The following BICRAL variants were observed in gnomAD, a reference collection of about 807,000 sequenced individuals.
BICRAL encodes the protein BRD4-interacting chromatin-remodeling complex-associated protein-like.
A neutral mutation model predicts 91.8 loss-of-function variants in BICRAL; 8 were observed. The observed-to-expected ratio is 0.09, with a 90% CI of 0.05 to 0.16. The LOEUF (loss-of-function observed/expected upper bound fraction) is 0.16. BICRAL is among the 10% of genes least tolerant of loss of function. BICRAL has a pLI of 1.00. For synonymous variants in BICRAL, 445 were observed against 491.1 expected (o/e 0.91, Z 1.24); for missense variants, 1,038 against 1,310.9 (o/e 0.79, Z 3.21).
upstream of BICRAL, chr6:42,781,795 ATT>A (rs1156671133): frequency 1.4e-5 from 2 of 147,322 alleles, no homozygotes; most frequent in African/African-American, 5.0e-5. Flanking sequence ...AAAAAAAAAA[ATT>A]TTTTAAATTA....
At chr6:42,792,891 C>T (rs1316295736) in intron 1 of BICRAL, among the ~76,000 whole-genome samples, 6 of 150,872 alleles carry the variant, frequency 4.0e-5, no homozygotes, top group South Asian at 4.2e-4. Flanking sequence ...CCAGACTGGG[C>T]GACGAGAGTG....
intron 6 of BICRAL, among the ~76,000 whole-genome samples, chr6:42,843,800 CT>C (rs55723359): frequency 0.84 from 85,426 of 102,082 alleles, 35,058 homozygotes; most frequent in Middle Eastern, 0.9. Flanking sequence ...TAAATTTCTT[CT>C]TTTTTTTTTT....
At chr6:42,784,473 A>G (rs1763044252) in intron 1 of BICRAL, among the ~76,000 whole-genome samples, 1 of 152,208 alleles carries the variant, frequency 6.6e-6, no homozygotes, top group Non-Finnish European at 1.5e-5. Flanking sequence ...AAATATACAT[A>G]GTGGATGTTT....
chr6:42,746,469 A>G (rs547406318), upstream of BICRAL, among the ~76,000 whole-genome samples: 49 of 141,792 alleles, frequency 3.5e-4, 2 homozygotes, highest in East Asian at 0.011. Flanking sequence ...ACCCCCTTAC[A>G]GGCCGGAGAT....
At chr6:42,844,508 C>CAAAAAAAAAAA (rs34115804) in intron 6 of BICRAL, among the ~76,000 whole-genome samples, 3 of 31,460 alleles carry the variant, frequency 9.5e-5, no homozygotes, top group Non-Finnish European at 1.5e-4. Context: ...GACTCCATCT[C>CAAAAAAAAAAA]AAAAAAAAAA....
chr6:42,789,801 C>T (rs1751316752), intron 1 of BICRAL, among the ~76,000 whole-genome samples: 1 of 152,128 alleles, frequency 6.6e-6, no homozygotes, highest in South Asian at 2.1e-4. Context: ...GTGCATAAGT[C>T]ACCTATAGAC....
At chr6:42,761,905 A>G (rs1417215595) in intron 1 of BICRAL, among the ~76,000 whole-genome samples, 1 of 147,740 alleles carries the variant, frequency 6.8e-6, no homozygotes, top group Non-Finnish European at 1.5e-5. Context: ...CCTTGTCTCA[A>G]AAAAAAAAAA....
At chr6:42,848,833 A>G (rs1037932764) in intron 6 of BICRAL, among the ~76,000 whole-genome samples, 4 of 152,150 alleles carry the variant, frequency 2.6e-5, no homozygotes, top group African/African-American at 7.2e-5. Context: ...CAAACAAACA[A>G]TGACAAAACA....
chr6:42,778,830 G>T (rs777147274), upstream of BICRAL, among the ~76,000 whole-genome samples: 1 of 151,942 alleles, frequency 6.6e-6, no homozygotes, highest in African/African-American at 2.4e-5. Flanking sequence ...TTTGCGGGGT[G>T]GGGGAGGGAC....
At chr6:42,836,850 G>A (rs1207669276) in intron 6 of BICRAL, among the ~76,000 whole-genome samples, 2 of 151,962 alleles carry the variant, frequency 1.3e-5, no homozygotes, top group Non-Finnish European at 2.9e-5. Flanking sequence ...TCAAACTCCT[G>A]ACCTAGTGCT....
chr6:42,787,939 G>A (rs1763147683), intron 1 of BICRAL, among the ~76,000 whole-genome samples: 1 of 151,002 alleles, frequency 6.6e-6, no homozygotes, highest in Admixed American at 6.6e-5. Context: ...AGTCATCCAG[G>A]TTGGAGTGCA....
Position 42,822,785 on chromosome 6 carries a change from C to G in BICRAL, c.42-11C>G. On this transcript the variant is annotated splice_polypyrimidine_tract_variant and intron_variant, in intron 3 of 12. Transcript: ENST00000314073. ...TTGTTGTTTTATCTCTTTTTTTCCT[C>G]TCTTTTCTAGAGACCCACAAGCATT... The G allele has an allele frequency of 6.7e-7, 1 of 1,491,314 alleles. No individual in the cohort carries two copies. Among genetic ancestry groups the G allele is most frequent in the Middle Eastern group, 2.3e-4 (1 of 4,304 alleles). The allele number at this position is 1,491,314 out of a possible 1,614,324, so 92.4% of individuals were successfully genotyped here.
chr6:42,747,074 G>A (rs1762288908), intron 1 of BICRAL: 1 of 152,354 alleles, frequency 6.6e-6, no homozygotes, highest in African/African-American at 2.4e-5. Flanking sequence ...TCGGTCTTAG[G>A]AAAGCGGTGG....
intron 1 of BICRAL, among the ~76,000 whole-genome samples, chr6:42,800,970 C>T (rs186427159): frequency 2.6e-5 from 4 of 152,084 alleles, no homozygotes; most frequent in South Asian, 2.1e-4. Context: ...AAGAAATATA[C>T]GGCCAGGCAC....
intron 1 of BICRAL, among the ~76,000 whole-genome samples, chr6:42,761,068 A>G (rs180978565): frequency 5.3e-5 from 8 of 152,290 alleles, no homozygotes; most frequent in African/African-American, 1.9e-4. Flanking sequence ...AGGTACTTAA[A>G]TCTCTTAAAA....
intron 1 of BICRAL, among the ~76,000 whole-genome samples, chr6:42,773,075 G>C (rs1051698640): frequency 6.6e-6 from 1 of 151,768 alleles, no homozygotes; most frequent in Non-Finnish European, 1.5e-5. Context: ...GATGGGGAGT[G>C]GAGCAATTTT....
intron 1 of BICRAL, among the ~76,000 whole-genome samples, chr6:42,755,831 G>A (rs915075930): frequency 1.3e-5 from 2 of 152,092 alleles, no homozygotes; most frequent in South Asian, 2.1e-4. Context: ...CGCCACGCCC[G>A]GCTAATTTTT....
chr6:42,748,966 G>A (rs527742519), intron 1 of BICRAL, among the ~76,000 whole-genome samples: 3 of 152,194 alleles, frequency 2.0e-5, no homozygotes, highest in Non-Finnish European at 2.9e-5. Context: ...AATGCATTAC[G>A]GGGGAAATGT....
At chr6:42,800,912 G>A (rs1204864451) in intron 1 of BICRAL, among the ~76,000 whole-genome samples, 1 of 122,210 alleles carries the variant, frequency 8.2e-6, no homozygotes, top group Non-Finnish European at 1.7e-5. Flanking sequence ...AGAGTCAAGA[G>A]TTTTCATAAT....
Sources: gnomAD v4.1 joint callset for allele counts (sites outside exome capture counted in the v4.1 genomes callset) on GRCh38, gnomAD v4.1.1 for gene constraint, MANE v1.5 for transcripts, NCBI Gene and HGNC (gene_info 2026-07-23, HGNC 2026-07-21) for gene names.